The following IRAK3 variants were observed in gnomAD, a reference collection of about 807,000 sequenced individuals.
The protein encoded by IRAK3 is interleukin 1 receptor associated kinase 3.
In IRAK3, 57 loss-of-function variants were observed where a neutral mutation model predicts 56.6. The observed-to-expected ratio is 1.01, with a 90% CI of 0.81 to 1.26. The LOEUF is 1.26. Among genes scored for constraint, IRAK3 ranks in the 50% most tolerant of loss-of-function variants. The probability of loss-of-function intolerance (pLI) is 0.00; values close to 1 mark genes in which losing one functional copy is unlikely to be tolerated. For missense variants in IRAK3, 703 were observed against 719.0 expected (o/e 0.98, Z 0.25); for synonymous variants, 258 against 255.7 (o/e 1.01, Z -0.09).
intron 6 of IRAK3, among the ~76,000 whole-genome samples, chr12:66,225,379 G>GTGTA (rs1158905565): frequency 6.6e-6 from 1 of 151,616 alleles, no homozygotes; most frequent in Admixed American, 6.6e-5. Context: ...TTGTGTGTGT[G>GTGTA]TGTATGTATA....
At chr12:66,240,554 T>C (rs1424632858) in intron 8 of IRAK3, among the ~76,000 whole-genome samples, 1 of 152,044 alleles carries the variant, frequency 6.6e-6, no homozygotes, top group East Asian at 1.9e-4. Flanking sequence ...AGAAACTGAG[T>C]CTTGCCTCAT....
intron 1 of IRAK3, among the ~76,000 whole-genome samples, chr12:66,198,612 G>A (rs950923109): frequency 2.0e-5 from 3 of 152,094 alleles, no homozygotes; most frequent in African/African-American, 7.2e-5. Context: ...AAGTTTCAAA[G>A]GGTAGCAGGA....
At chr12:66,244,419 G>C in intron 8 of IRAK3, 67 bp from the exon 9 acceptor site, 1 of 1,152,046 alleles carries the variant, frequency 8.7e-7, no homozygotes, top group African/African-American at 1.5e-5. Context: ...TGAGTTTATA[G>C]TATGTTTGTT....
chr12:66,206,392 T>C (rs2052558510), intron 2 of IRAK3, among the ~76,000 whole-genome samples: 1 of 152,176 alleles, frequency 6.6e-6, no homozygotes, highest in Admixed American at 6.5e-5. Context: ...CCTTATCATA[T>C]TGAGGACATT....
chr12:66,238,283 G>GAGAGCC (rs906235002), intron 8 of IRAK3, among the ~76,000 whole-genome samples: 2 of 152,208 alleles, frequency 1.3e-5, no homozygotes, highest in Admixed American at 1.3e-4. Context: ...AGAGCTCAAT[G>GAGAGCC]AGAGCCAGAG....
chr12:66,239,863 C>T (rs1216988831), intron 8 of IRAK3, among the ~76,000 whole-genome samples: 5 of 152,170 alleles, frequency 3.3e-5, no homozygotes, highest in African/African-American at 1.2e-4. Flanking sequence ...CACATATGCA[C>T]GGTACATGCC....
Position 66,253,664 on chromosome 12 carries a change from A to G in IRAK3, c.*5493A>G, listed in dbSNP as rs1167154859. On this transcript the variant is annotated 3_prime_UTR_variant, in exon 12 of 12. Coordinates refer to ENST00000261233, the MANE Select transcript of IRAK3 (RefSeq NM_007199.3). ...CTTGAATTTTAAAATATTCTTATAG[A>G]CAAACATTAATTGGAATGGGGGGTA... 1 of 152,216 alleles carries G rather than the reference A, an allele frequency of 6.6e-6. No individual in the cohort carries two copies. Among genetic ancestry groups the G allele is most frequent in the Non-Finnish European group, 1.5e-5 (1 of 68,030 alleles). 9.4% of individuals were successfully genotyped at this position (152,216 alleles called of 1,614,324 possible).
rs745973983 is a variant in IRAK3 at position 66,203,773 on chromosome 12, A to T, written c.196A>T (p.Lys66Ter). The T allele has an allele frequency of 3.1e-6, 5 of 1,614,068 alleles. No homozygotes were observed. The highest frequency in any genetic ancestry group is 3.4e-6 in the Non-Finnish European group (4 of 1,179,952). ...TATTGAAAAGTATGTAGACCAAGGTAAAAGTGGAACAAGAGAATTACTTTG... is the reference window on the plus strand; with the variant it reads ...TATTGAAAAGTATGTAGACCAAGGTTAAAGTGGAACAAGAGAATTACTTTG... The part of the protein sequence containing the change: ...RHIEKYVDQG[K>*]SGTRELLWSW... The change falls in exon 2 of 12, where the codon AAA (lysine) becomes TAA (stop). Residue 66 changes from lysine to a stop codon, truncating the protein, a stop_gained. Transcript: ENST00000261233. LOFTEE classifies it high-confidence loss of function.
rs771499681 is a variant in IRAK3 at position 66,196,842 on chromosome 12, G to C, written c.134-6869G>C. On this transcript the variant is annotated intron_variant, in intron 1 of 11. Transcript: ENST00000261233. ...AATTGTCTAATTTTTTGCATGCTTT[G>C]TAGAAAGAAAGAGACATCTTTCCTT... The C allele has an allele frequency of 8.3e-6, 12 of 1,453,936 alleles. 1 individual carries two copies. In the South Asian group the frequency reaches 1.7e-4, roughly 20 times the overall value. The allele number at this position is 1,453,936 out of a possible 1,614,324, so 90.1% of individuals were successfully genotyped here.
chr12:66,246,111 A>G (rs1168733), intron 11 of IRAK3, among the ~76,000 whole-genome samples: 149,174 of 152,156 alleles, frequency 0.98, 73,198 homozygotes, highest in Middle Eastern at 1. Flanking sequence ...GTGGAGCATG[A>G]ATTCAGAATA....
In IRAK3 at chr12:66,233,413, G is replaced by T. The variant is rs528246607; in HGVS notation, c.887+5043G>T. Among the ~76,000 whole-genome samples the T allele has an allele frequency of 2.1e-4, 32 of 152,252 alleles. No homozygotes were observed. The East Asian group carries it at 6.2e-3, about 29-fold the overall frequency. ...GGCGCCTGTAGTCCCAGCTACTTGG[G>T]AGGCTGAGGCAGGAGAATGGCGTGA... On this transcript the variant is annotated intron_variant, in intron 8 of 11. Transcript: ENST00000261233.
intron 1 of IRAK3, among the ~76,000 whole-genome samples, chr12:66,196,288 A>G (rs1033063071): frequency 2.0e-5 from 3 of 152,152 alleles, no homozygotes; most frequent in African/African-American, 7.2e-5. Flanking sequence ...ATGTCTATTA[A>G]AAACCTTGTT....
chr12:66,202,830 A>T (rs553863840), intron 1 of IRAK3, among the ~76,000 whole-genome samples: 6 of 145,146 alleles, frequency 4.1e-5, no homozygotes, highest in African/African-American at 1.5e-4. Flanking sequence ...AAATAAAAGG[A>T]AAAAAAAAAA....
At chr12:66,230,049 A>G (rs1444138446) in intron 8 of IRAK3, among the ~76,000 whole-genome samples, 3 of 152,174 alleles carry the variant, frequency 2.0e-5, no homozygotes, top group Non-Finnish European at 4.4e-5. Context: ...TTGATGGGAG[A>G]TGGGGACAGA....
chr12:66,216,644 G>A (rs1277866399), intron 5 of IRAK3, among the ~76,000 whole-genome samples: 1 of 152,172 alleles, frequency 6.6e-6, no homozygotes, highest in African/African-American at 2.4e-5. Flanking sequence ...ATATTCATGT[G>A]TCAGGCTCTG....
chr12:66,240,517 C>A (rs1236899150), intron 8 of IRAK3, among the ~76,000 whole-genome samples: 1 of 152,122 alleles, frequency 6.6e-6, no homozygotes, highest in Non-Finnish European at 1.5e-5. Flanking sequence ...GGGTGCACAA[C>A]TGTTTTAGTA....
chr12:66,217,258 T>A lies in IRAK3; in HGVS notation c.653+23T>A, dbSNP rs774525573. 6 of 1,543,314 alleles carry A rather than the reference T, an allele frequency of 3.9e-6. No individual in the cohort carries two copies. In the African/African-American group the frequency reaches 8.2e-5, roughly 21 times the overall value. ...ACTGTGAGTATGTTTTCTCTGGAAT[T>A]TCCTCCTCTTTGTGCCTGGGTTTCA... On this transcript the variant is annotated intron_variant, in intron 6 of 11. Transcript: ENST00000261233.
intron 8 of IRAK3, among the ~76,000 whole-genome samples, chr12:66,230,840 C>T (rs2052837325): frequency 6.6e-6 from 1 of 152,160 alleles, no homozygotes; most frequent in Admixed American, 6.5e-5. Flanking sequence ...ACCCTCCTCC[C>T]ATCCTTTTCT....
intron 8 of IRAK3, among the ~76,000 whole-genome samples, chr12:66,233,247 G>A (rs1047069658): frequency 4.6e-5 from 7 of 152,136 alleles, no homozygotes; most frequent in South Asian, 2.1e-4. Context: ...GGCCGGGCGC[G>A]GTGGCTCACG....
Sources: allele counts gnomAD v4.1 joint callset (sites outside exome capture counted in the v4.1 genomes callset), GRCh38; gene constraint gnomAD v4.1.1; transcripts MANE v1.5; gene names NCBI Gene and HGNC (gene_info 2026-07-23, HGNC 2026-07-21).